Variants in MSRA observed in about 807,000 individuals in gnomAD.
MSRA encodes the protein methionine sulfoxide reductase A.
Under a neutral mutation model 31.3 loss-of-function variants are expected in MSRA, and 54 were observed. The observed-to-expected ratio is 1.73, with a 90% CI of 1.39 to 2.17. The LOEUF is 2.17. Ranked by LOEUF, MSRA falls within the 30% of genes most tolerant of loss-of-function variation. The pLI is 0.00. For missense variants in MSRA, 507 were observed against 300.9 expected, an observed-to-expected ratio of 1.69 and a Z score of -5.07; for synonymous variants, 169 against 116.5, an observed-to-expected ratio of 1.45 and a Z score of -2.90.
intron 1 of MSRA, among the ~76,000 whole-genome samples, chr8:10,175,556 G>A (rs946337076): frequency 6.6e-6 from 1 of 152,070 alleles, no homozygotes; most frequent in Non-Finnish European, 1.5e-5. Flanking sequence ...CCTCACTTTG[G>A]GTATGGTTAA....
intron 5 of MSRA, among the ~76,000 whole-genome samples, chr8:10,410,108 A>G (rs923226098): frequency 1.3e-5 from 2 of 152,292 alleles, no homozygotes; most frequent in South Asian, 4.1e-4. Flanking sequence ...GAAAAAGATG[A>G]TCCTCCGAGC....
At chr8:10,352,013 C>T (rs1363937385) in intron 5 of MSRA, among the ~76,000 whole-genome samples, 2 of 152,144 alleles carry the variant, frequency 1.3e-5, no homozygotes, top group African/African-American at 4.8e-5. Flanking sequence ...GTTCCTTAGT[C>T]GAATCACTAA....
chr8:10,186,222 C>G (rs1303886238), intron 1 of MSRA, among the ~76,000 whole-genome samples: 1 of 152,128 alleles, frequency 6.6e-6, no homozygotes, highest in Non-Finnish European at 1.5e-5. Flanking sequence ...CTTTGCCATC[C>G]TCTTCTCATC....
intron 1 of MSRA, among the ~76,000 whole-genome samples, chr8:10,076,995 G>C (rs1798025062): frequency 6.7e-6 from 1 of 149,118 alleles, no homozygotes; most frequent in Admixed American, 6.8e-5. Context: ...ATGGTGGTTT[G>C]CTGCACCTAT....
intron 4 of MSRA, among the ~76,000 whole-genome samples, chr8:10,314,269 T>C (rs1801595141): frequency 6.6e-6 from 1 of 151,786 alleles, no homozygotes; most frequent in Non-Finnish European, 1.5e-5. Flanking sequence ...TTATATTTGA[T>C]AAAGGATTAG....
chr8:10,404,098 G>GA (rs1807640862), intron 5 of MSRA, among the ~76,000 whole-genome samples: 1 of 152,234 alleles, frequency 6.6e-6, no homozygotes, highest in Admixed American at 6.5e-5. Flanking sequence ...GTAGACTTCG[G>GA]AAAATGCTTC....
chr8:10,258,406 G>T (rs961463847), intron 3 of MSRA, among the ~76,000 whole-genome samples: 9 of 152,178 alleles, frequency 5.9e-5, no homozygotes, highest in Non-Finnish European at 8.8e-5. Flanking sequence ...TTATGTAAAG[G>T]CTCCTGTCCT....
chr8:10,428,077 C>G, intron 5 of MSRA, 71 bp from the exon 6 acceptor site: 3 of 1,528,720 alleles, frequency 2.0e-6, no homozygotes, highest in Admixed American at 2.1e-5. Context: ...GCCCTGGCCC[C>G]TCAGTGCCAC....
chr8:10,062,615 A>G (rs1324786867), intron 1 of MSRA, among the ~76,000 whole-genome samples: 1 of 152,216 alleles, frequency 6.6e-6, no homozygotes, highest in Non-Finnish European at 1.5e-5. Context: ...GTTATGTATT[A>G]TGGCACATAA....
At chr8:10,387,924 C>A (rs1313820785) in intron 5 of MSRA, among the ~76,000 whole-genome samples, 2 of 152,086 alleles carry the variant, frequency 1.3e-5, no homozygotes. Context: ...TCCTGTAATT[C>A]AAAAATGCTT....
chr8:10,316,527 C>CTCTCTCTCTCT (rs1801726307), intron 4 of MSRA, among the ~76,000 whole-genome samples: 33 of 112,630 alleles, frequency 2.9e-4, no homozygotes, highest in African/African-American at 1.0e-3. Context: ...TTTGATGATC[C>CTCTCTCTCTCT]CTCTCTCTCT....
chr8:10,305,985 T>A (rs539077581), intron 4 of MSRA, among the ~76,000 whole-genome samples: 1 of 152,224 alleles, frequency 6.6e-6, no homozygotes, highest in African/African-American at 2.4e-5. Context: ...TGAATCCCAC[T>A]GTTTAAGCCA....
chr8:10,134,673 T>C (rs1299924247), intron 1 of MSRA, among the ~76,000 whole-genome samples: 1 of 152,224 alleles, frequency 6.6e-6, no homozygotes, highest in African/African-American at 2.4e-5. Flanking sequence ...CTCGGAAGCC[T>C]GGTGGTGACA....
chr8:10,111,614 T>C (rs1297649451), intron 1 of MSRA, among the ~76,000 whole-genome samples: 4 of 152,170 alleles, frequency 2.6e-5, no homozygotes, highest in South Asian at 2.1e-4. Context: ...AGGCAAAATA[T>C]ATGAATGCCT....
At chr8:10,301,481 C>A (rs1022460786) in intron 3 of MSRA, 53 bp from the exon 4 acceptor site, 5 of 1,395,156 alleles carry the variant, frequency 3.6e-6, no homozygotes, top group Non-Finnish European at 5.0e-6. Flanking sequence ...AAAAAACTTG[C>A]AATAAATGGA....
At chr8:10,165,631 G>T (rs914000298) in intron 1 of MSRA, among the ~76,000 whole-genome samples, 1 of 152,162 alleles carries the variant, frequency 6.6e-6, no homozygotes, top group Non-Finnish European at 1.5e-5. Context: ...AAAAAGCCAT[G>T]ATATCTCTGT....
intron 5 of MSRA, among the ~76,000 whole-genome samples, chr8:10,343,249 G>A (rs1803555980): frequency 1.3e-5 from 2 of 152,180 alleles, no homozygotes; most frequent in South Asian, 4.1e-4. Flanking sequence ...AGAATCCATG[G>A]TGAGAACACC....
intron 5 of MSRA, among the ~76,000 whole-genome samples, chr8:10,351,410 C>T (rs1019235656): frequency 6.6e-5 from 10 of 152,090 alleles, no homozygotes; most frequent in South Asian, 6.2e-4. Context: ...TGCGCCACCA[C>T]GCCTAGCTAA....
chr8:10,276,529 T>G (rs926282678), intron 3 of MSRA, among the ~76,000 whole-genome samples: 1 of 152,168 alleles, frequency 6.6e-6, no homozygotes, highest in Admixed American at 6.5e-5. Flanking sequence ...AGCCCAAAAT[T>G]ATTTCGAAAA....
Sources: allele counts gnomAD v4.1 joint callset (sites outside exome capture counted in the v4.1 genomes callset), GRCh38; gene constraint gnomAD v4.1.1; transcripts MANE v1.5; gene names NCBI Gene and HGNC (gene_info 2026-07-23, HGNC 2026-07-21).